Variants in KITLG observed in about 807,000 individuals in gnomAD.
KITLG encodes the protein c-Kit ligand.
A neutral mutation model predicts 34.1 loss-of-function variants in KITLG; 13 were observed. That is an observed-to-expected ratio of 0.38 (90% CI 0.25 to 0.61). The LOEUF (loss-of-function observed/expected upper bound fraction) is 0.61. Ranked by LOEUF, KITLG falls within the 20% of genes least tolerant of loss-of-function variation. The pLI, the probability that KITLG is intolerant of heterozygous loss-of-function variation, is 0.60. For missense variants in KITLG, 292 were observed against 318.9 expected, an observed-to-expected ratio of 0.92 and a Z score of 0.64; for synonymous variants, 110 against 104.0, an observed-to-expected ratio of 1.06 and a Z score of -0.35.
intron 1 of KITLG, among the ~76,000 whole-genome samples, chr12:88,574,581 C>G (rs546591517): frequency 6.6e-6 from 1 of 152,266 alleles, no homozygotes; most frequent in East Asian, 1.9e-4. Context: ...GGAGACTAGT[C>G]CAAGGTCACA....
intron 9 of KITLG, among the ~76,000 whole-genome samples, chr12:88,499,145 T>C (rs1301368548): frequency 2.0e-5 from 3 of 152,154 alleles, no homozygotes; most frequent in Non-Finnish European, 4.4e-5. Context: ...ATAACTGATA[T>C]AAATTCATCT....
intron 1 of KITLG, among the ~76,000 whole-genome samples, chr12:88,572,625 T>G (rs1415804351): frequency 2.8e-5 from 4 of 144,580 alleles, no homozygotes; most frequent in Non-Finnish European, 6.0e-5. Flanking sequence ...ATATAATTTG[T>G]TACAAAGATA....
chr12:88,516,606 G>C, intron 4 of KITLG, 116 bp from the exon 5 acceptor site: 1 of 653,796 alleles, frequency 1.5e-6, no homozygotes, highest in Non-Finnish European at 2.6e-6. Flanking sequence ...CTTACAACTA[G>C]CACTTTTAGA....
At chr12:88,517,186 C>T (rs573779934) in intron 4 of KITLG, among the ~76,000 whole-genome samples, 10 of 152,038 alleles carry the variant, frequency 6.6e-5, no homozygotes, top group Admixed American at 2.6e-4. Flanking sequence ...AGGTTAACTA[C>T]AGCTATATGC....
intron 7 of KITLG, 122 bp from the exon 8 acceptor site, chr12:88,506,500 G>A: frequency 2.7e-6 from 2 of 749,422 alleles, no homozygotes; most frequent in Middle Eastern, 3.8e-4. Flanking sequence ...TTTTCAGCAT[G>A]TAGCATGCAA....
At chr12:88,498,692 T>G (rs1229506657) in intron 9 of KITLG, among the ~76,000 whole-genome samples, 2 of 152,104 alleles carry the variant, frequency 1.3e-5, no homozygotes, top group African/African-American at 4.8e-5. Context: ...CTGGCCAACA[T>G]GGTGAAACCC....
intron 9 of KITLG, among the ~76,000 whole-genome samples, chr12:88,502,413 C>T (rs1299509800): frequency 6.6e-6 from 1 of 152,084 alleles, no homozygotes; most frequent in Non-Finnish European, 1.5e-5. Context: ...AAAACAAACC[C>T]TACTTCAGAA....
At chr12:88,514,296 G>C (rs1869381143) in intron 6 of KITLG, among the ~76,000 whole-genome samples, 1 of 151,498 alleles carries the variant, frequency 6.6e-6, no homozygotes, top group African/African-American at 2.4e-5. Context: ...GAAACACAAA[G>C]CAAATGGAAG....
At chr12:88,529,446 G>A (rs17424366) in intron 3 of KITLG, among the ~76,000 whole-genome samples, 6,480 of 152,220 alleles carry the variant, frequency 0.043, 197 homozygotes, top group Non-Finnish European at 0.064. Flanking sequence ...CTAAGTGGTT[G>A]ATCACACCCT....
At chr12:88,515,186 G>A (rs1487881855) in intron 6 of KITLG, among the ~76,000 whole-genome samples, 1 of 151,464 alleles carries the variant, frequency 6.6e-6, no homozygotes. Context: ...TTAACAACCA[G>A]CATTTATACA....
chr12:88,561,867 A>C (rs1476613397), intron 1 of KITLG, among the ~76,000 whole-genome samples: 1 of 152,166 alleles, frequency 6.6e-6, no homozygotes, highest in Non-Finnish European at 1.5e-5. Context: ...GCCAATGGCA[A>C]GTTGTTCTCA....
intron 3 of KITLG, among the ~76,000 whole-genome samples, chr12:88,527,018 G>A (rs910386883): frequency 2.0e-5 from 3 of 151,916 alleles, no homozygotes; most frequent in Non-Finnish European, 2.9e-5. Context: ...ACAGGCGCCC[G>A]CCACCACGCC....
intron 1 of KITLG, among the ~76,000 whole-genome samples, chr12:88,547,149 G>C (rs1415481648): frequency 6.6e-6 from 1 of 152,088 alleles, no homozygotes; most frequent in Non-Finnish European, 1.5e-5. Context: ...AATTACACAA[G>C]AGTCCAGATG....
At chr12:88,507,423 G>T (rs1275017249) in intron 6 of KITLG, among the ~76,000 whole-genome samples, 14 of 152,104 alleles carry the variant, frequency 9.2e-5, no homozygotes, top group Admixed American at 2.6e-4. Flanking sequence ...ATATATTTCT[G>T]GGGGGAAAAT....
chr12:88,551,697 A>G, intron 1 of KITLG, among the ~76,000 whole-genome samples: 1 of 152,072 alleles, frequency 6.6e-6, no homozygotes, highest in East Asian at 1.9e-4. Context: ...TGCACTCTTG[A>G]TGATGAACAC....
chr12:88,505,360 T>C (rs539046189), intron 8 of KITLG, 125 bp from the exon 9 acceptor site: 17 of 718,680 alleles, frequency 2.4e-5, no homozygotes, highest in Admixed American at 1.1e-4. Flanking sequence ...CAAAATTGAA[T>C]GGGGAGCCTA....
intron 6 of KITLG, among the ~76,000 whole-genome samples, chr12:88,513,432 A>T (rs1869352526): frequency 2.6e-5 from 4 of 151,832 alleles, no homozygotes; most frequent in Admixed American, 2.6e-4. Flanking sequence ...CAACTATACC[A>T]ATGATTTATT....
chr12:88,556,972 C>CA (rs2096574032), intron 1 of KITLG, among the ~76,000 whole-genome samples: 1 of 152,112 alleles, frequency 6.6e-6, no homozygotes, highest in Admixed American at 6.5e-5. Flanking sequence ...AACTAAAAGT[C>CA]AATCACAGTG....
At chr12:88,506,597 G>C (rs1343142635) in intron 7 of KITLG, among the ~76,000 whole-genome samples, 1 of 152,168 alleles carries the variant, frequency 6.6e-6, no homozygotes, top group Non-Finnish European at 1.5e-5. Context: ...GAGTAATAAA[G>C]AAGCTGACAC....
Sources: allele counts gnomAD v4.1 joint callset (sites outside exome capture counted in the v4.1 genomes callset), GRCh38; gene constraint gnomAD v4.1.1; transcripts MANE v1.5; gene names NCBI Gene and HGNC (gene_info 2026-07-23, HGNC 2026-07-21).